SMIM19: variants seen among roughly 807,000 people sequenced by gnomAD.
SMIM19 encodes the protein UPF0697 protein C8orf40.
A neutral mutation model predicts 13.2 loss-of-function variants in SMIM19; 6 were observed. The observed-to-expected ratio is 0.45, with a 90% confidence interval of 0.25 to 0.90. The LOEUF is 0.90. SMIM19 is among the 40% of genes least tolerant of loss of function. The pLI is 0.19. For missense variants in SMIM19, 138 were observed against 131.0 expected, an observed-to-expected ratio of 1.05 and a Z score of -0.26; for synonymous variants, 46 against 43.1, an observed-to-expected ratio of 1.07 and a Z score of -0.27.
Position 42,542,223 on chromosome 8 carries a change from A to AT in SMIM19, c.-154dup, listed in dbSNP as rs1372149232. On this transcript the variant is annotated 5_prime_UTR_variant, in exon 1 of 4. Coordinates refer to ENST00000417410, the MANE Select transcript of SMIM19 (RefSeq NM_001135674.2). The stretch of plus-strand genomic sequence containing the variant: ...AGGCCTGTGTGGCTTTGGACAAGTT[A>AT]TATAACCACCGCCGCCACCCCAGTT... The AT allele has an allele frequency of 3.2e-5, 5 of 154,506 alleles. No homozygotes were observed. The Admixed American group carries it at 3.3e-4, about 10-fold the overall frequency. 9.6% of individuals were successfully genotyped at this position (154,506 alleles called of 1,614,324 possible). A position where few individuals can be genotyped will look rare whatever the true frequency, so the allele number is the denominator to read the frequency against.
rs1013594122 is a variant in SMIM19, at chr8:42,548,749, T to G, written c.228T>G (p.Arg76=). 4 of 1,613,942 alleles carry G rather than the reference T, an allele frequency of 2.5e-6. No individual in the cohort carries two copies. In the Admixed American group the frequency reaches 5.0e-5, roughly 20 times the overall value. Residue 76 remains arginine (R), a synonymous_variant, in exon 3 of 4, where the codon CGT becomes CGG. Coordinates refer to ENST00000417410, the MANE Select transcript of SMIM19 (RefSeq NM_001135674.2). ...TTTATGACACGATAAGCAAGATTCG[T>G]TTAAGACAACAACTGGAAATGTATT... is the stretch of plus-strand genomic sequence containing the variant. ...PNFYDTISKI[R]LRQQLEMYSI... is the part of the protein sequence containing the mutation.
intron 3 of SMIM19, among the ~76,000 whole-genome samples, chr8:42,550,835 C>T (rs76317031): frequency 6.6e-6 from 1 of 151,982 alleles, no homozygotes; most frequent in Non-Finnish European, 1.5e-5. Context: ...TTAATGAATC[C>T]CAGCATAATG....
intron 2 of SMIM19, among the ~76,000 whole-genome samples, chr8:42,547,128 A>G (rs537427697): frequency 6.6e-6 from 1 of 152,148 alleles, no homozygotes; most frequent in East Asian, 1.9e-4. Context: ...TGGGAGGCTG[A>G]GGCTGGTGGA....
chr8:42,542,500 G>A (rs573999474), intron 1 of SMIM19, 127 bp downstream of exon 1: 1 of 983,428 alleles, frequency 1.0e-6, no homozygotes, highest in Admixed American at 6.1e-5. Context: ...GTTCCAATGT[G>A]AATTTGTATC....
chr8:42,544,628 A>G (rs138401240), intron 1 of SMIM19, among the ~76,000 whole-genome samples: 2 of 152,176 alleles, frequency 1.3e-5, no homozygotes, highest in East Asian at 3.9e-4. Context: ...GCAGACACCC[A>G]TAGTTAGTTT....
rs1813273920 is a variant in SMIM19, at chr8:42,542,374, G to C, written c.-5+1G>C. 1.1e-6 allele frequency: 1 copy of C among 934,176 alleles called. No individual in the cohort carries two copies. 57.9% of individuals were successfully genotyped at this position (934,176 alleles called of 1,614,324 possible). ...ATGTTGGGTGAAGGCCTGTGAGCTT[G>C]TATGTACCCTTTGGCTTCAGAATAC... On this transcript the variant is annotated splice_donor_variant, in intron 1 of 3. Coordinates refer to ENST00000417410, the MANE Select transcript of SMIM19 (RefSeq NM_001135674.2). LOFTEE classifies it low-confidence loss of function (5UTR_SPLICE).
At chr8:42,543,332 T>C (rs866421374) in intron 1 of SMIM19, among the ~76,000 whole-genome samples, 5 of 152,100 alleles carry the variant, frequency 3.3e-5, no homozygotes, top group South Asian at 4.1e-4. Context: ...ACCAGAGCAC[T>C]CCTTACTCCT....
At chr8:42,548,887 CTT>C in intron 3 of SMIM19, 107 bp downstream of exon 3, 1 of 1,170,000 alleles carries the variant, frequency 8.5e-7, no homozygotes, top group East Asian at 2.6e-5. Context: ...GTAATGAAAA[CTT>C]AGTACTTCTT....
chr8:42,552,615 A>G lies in SMIM19; in HGVS notation c.*7A>G, dbSNP rs1165142721. On this transcript the variant is annotated 3_prime_UTR_variant, in exon 4 of 4. Coordinates refer to ENST00000417410, the MANE Select transcript of SMIM19 (RefSeq NM_001135674.2). ...GCAACTCTCATTGGAATGAAACCTC[A>G]GAAAAAGAGCAACAGAAGTAATTGT... 6.2e-6 allele frequency: 10 copies of G among 1,613,742 alleles called. No homozygotes were observed. Among genetic ancestry groups the G allele is most frequent in the Non-Finnish European group, 8.5e-6 (10 of 1,179,824 alleles).
chr8:42,542,417 A>T (rs1328889069), intron 1 of SMIM19, 44 bp downstream of exon 1: 1 of 985,312 alleles, frequency 1.0e-6, no homozygotes, highest in Non-Finnish European at 1.2e-6. Flanking sequence ...TTAGTGTTTC[A>T]GAGGGATGAG....
rs570352872 is a variant in SMIM19 at position 42,553,710 on chromosome 8, A to G, written c.*1102A>G. ...AATTATAAGAGTGAGCTGGCTGGGC[A>G]CGGTGGCTCACGCCTGAAATCCCAG... On this transcript the variant is annotated 3_prime_UTR_variant, in exon 4 of 4. Coordinates refer to ENST00000417410, the MANE Select transcript of SMIM19 (RefSeq NM_001135674.2). 6.6e-6 allele frequency: 1 copy of G among 152,344 alleles called. No individual in the cohort carries two copies. The highest frequency in any genetic ancestry group is 2.1e-4 in the South Asian group (1 of 4,828). The allele number at this position is 152,344 out of a possible 1,614,324, so 9.4% of individuals were successfully genotyped here.
intron 1 of SMIM19, among the ~76,000 whole-genome samples, chr8:42,545,886 T>G (rs1813461796): frequency 6.6e-6 from 1 of 152,216 alleles, no homozygotes; most frequent in Non-Finnish European, 1.5e-5. Context: ...ATTTGGAAAC[T>G]GCAATAACAT....
chr8:42,543,222 T>C (rs148211506), intron 1 of SMIM19, among the ~76,000 whole-genome samples: 1 of 152,198 alleles, frequency 6.6e-6, no homozygotes, highest in African/African-American at 2.4e-5. Flanking sequence ...GCAGCAGGTG[T>C]ATGTGTGTAC....
chr8:42,552,457 A>G, intron 3 of SMIM19, 87 bp from the exon 4 acceptor site: 1 of 1,375,534 alleles, frequency 7.3e-7, no homozygotes, highest in South Asian at 1.2e-5. Flanking sequence ...ATTGAGAATC[A>G]TGACTTGACT....
At chr8:42,549,249 C>T (rs1335621207) in intron 3 of SMIM19, among the ~76,000 whole-genome samples, 1 of 151,882 alleles carries the variant, frequency 6.6e-6, no homozygotes, top group Non-Finnish European at 1.5e-5. Flanking sequence ...CTGTCTCTAC[C>T]AAAAATACAA....
intron 1 of SMIM19, among the ~76,000 whole-genome samples, chr8:42,542,982 T>TGAA (rs535269686): frequency 7.2e-6 from 1 of 139,810 alleles, no homozygotes; most frequent in East Asian, 2.1e-4. Flanking sequence ...CCTGTTTTTG[T>TGAA]AAAAAAAAAA....
At position 42,552,773 on chromosome 8, in the gene SMIM19, A is replaced by G. The variant is rs143918212; in HGVS notation, c.*165A>G. The stretch of plus-strand genomic sequence containing the variant: ...TTTGCCTTTTTAAATTACATCTCCA[A>G]GTGGCTCAAAAGGCCTTGACACAGG... On this transcript the variant is annotated 3_prime_UTR_variant, in exon 4 of 4. Transcript: ENST00000417410. 2 of 762,028 alleles carry G rather than the reference A, an allele frequency of 2.6e-6. No homozygotes were observed. The highest frequency in any genetic ancestry group is 3.5e-5 in the African/African-American group (2 of 56,978). The allele number at this position is 762,028 out of a possible 1,614,324, so 47.2% of individuals were successfully genotyped here.
At chr8:42,548,566 A>G in intron 2 of SMIM19, 90 bp from the exon 3 acceptor site, 1 of 1,547,270 alleles carries the variant, frequency 6.5e-7, no homozygotes, top group South Asian at 1.1e-5. Context: ...AAGTCCTTTT[A>G]CCACAGCTTC....
intron 3 of SMIM19, among the ~76,000 whole-genome samples, chr8:42,549,258 A>T (rs1813589042): frequency 6.6e-6 from 1 of 152,150 alleles, no homozygotes; most frequent in South Asian, 2.1e-4. Context: ...CCAAAAATAC[A>T]AAAATAAGCT....
Sources: allele counts gnomAD v4.1 joint callset (sites outside exome capture counted in the v4.1 genomes callset), GRCh38; gene constraint gnomAD v4.1.1; transcripts MANE v1.5; gene names NCBI Gene and HGNC (gene_info 2026-07-23, HGNC 2026-07-21).